Variants in ADARB2 observed in about 807,000 individuals in gnomAD.
ADARB2 encodes the protein adenosine deaminase RNA specific B2 (inactive).
ADARB2 carries 25 observed loss-of-function variants against 62.2 expected under a neutral mutation model. The observed-to-expected ratio is 0.40, with a 90% CI of 0.29 to 0.56. The LOEUF is 0.56. Among genes scored for constraint, ADARB2 ranks in the 20% least tolerant of loss-of-function variants. The pLI, the probability that ADARB2 is intolerant of heterozygous loss-of-function variation, is 0.43. For missense variants in ADARB2, 1,071 were observed against 1,077.4 expected (o/e 0.99, Z 0.08); for synonymous variants, 572 against 500.8 (o/e 1.14, Z -1.90).
At chr10:1,322,097 A>G (rs1831801026) in intron 3 of ADARB2, among the ~76,000 whole-genome samples, 1 of 152,078 alleles carries the variant, frequency 6.6e-6, no homozygotes, top group Non-Finnish European at 1.5e-5. Context: ...ATATTTCTAA[A>G]TAACTCAGGG....
intron 1 of ADARB2, among the ~76,000 whole-genome samples, chr10:1,475,509 C>T (rs959852098): frequency 1.3e-5 from 2 of 152,142 alleles, no homozygotes; most frequent in East Asian, 1.9e-4. Context: ...TCGTGCTGTG[C>T]GGACAGGGAA....
intron 1 of ADARB2, among the ~76,000 whole-genome samples, chr10:1,576,148 C>CACAGGAGGGGGCCCAGGGT (rs1395468155): frequency 1.3e-5 from 1 of 78,384 alleles, no homozygotes; most frequent in African/African-American, 5.2e-5. Flanking sequence ...AGAGGGGGGT[C>CACAGGAGGGGGCCCAGGGT]CACGGTCACA....
intron 8 of ADARB2, among the ~76,000 whole-genome samples, chr10:1,195,686 G>A (rs1034031152): frequency 6.6e-6 from 1 of 152,112 alleles, no homozygotes; most frequent in Non-Finnish European, 1.5e-5. Context: ...GCTGATCCTG[G>A]TTCAGAAGAA....
chr10:1,364,067 A>C, intron 2 of ADARB2, 150 bp from the exon 3 acceptor site: 1 of 1,185,504 alleles, frequency 8.4e-7, no homozygotes, highest in Non-Finnish European at 1.1e-6. Context: ...CGCCAGAGAG[A>C]GGGAGCCCCT....
At chr10:1,259,356 A>T (rs556481292) in intron 4 of ADARB2, among the ~76,000 whole-genome samples, 13 of 152,350 alleles carry the variant, frequency 8.5e-5, no homozygotes, top group African/African-American at 2.9e-4. Context: ...TAATGAATCC[A>T]GGAGCTGGTT....
chr10:1,327,407 C>T (rs527949589), intron 3 of ADARB2, among the ~76,000 whole-genome samples: 1 of 94,660 alleles, frequency 1.1e-5, no homozygotes, highest in South Asian at 3.3e-4. Context: ...CACAGCGCCT[C>T]CCCACTGCCC....
At chr10:1,668,098 G>T (rs1386804593) in intron 1 of ADARB2, among the ~76,000 whole-genome samples, 1 of 152,190 alleles carries the variant, frequency 6.6e-6, no homozygotes, top group Non-Finnish European at 1.5e-5. Context: ...CTCACCCTTA[G>T]TGATATTAAC....
At chr10:1,472,059 A>AGAGTTCAAC (rs1238855904) in intron 1 of ADARB2, among the ~76,000 whole-genome samples, 147 of 152,360 alleles carry the variant, frequency 9.6e-4, no homozygotes, top group African/African-American at 3.3e-3. Flanking sequence ...CTAAAGTCTA[A>AGAGTTCAAC]GAGTTCAACA....
chr10:1,192,857 G>T (rs1480336534), intron 8 of ADARB2, among the ~76,000 whole-genome samples: 3 of 152,212 alleles, frequency 2.0e-5, no homozygotes, highest in Non-Finnish European at 4.4e-5. Flanking sequence ...GCAGGAGAAT[G>T]GCGTGAACCC....
intron 4 of ADARB2, among the ~76,000 whole-genome samples, chr10:1,259,850 A>C (rs1262072977): frequency 6.6e-6 from 1 of 152,244 alleles, no homozygotes; most frequent in Non-Finnish European, 1.5e-5. Context: ...ACAACAAAAA[A>C]AGAGAATTTT....
chr10:1,205,380 ACGGGAGCCCG>A (rs1164418750), intron 7 of ADARB2, among the ~76,000 whole-genome samples: 4 of 101,542 alleles, frequency 3.9e-5, no homozygotes, highest in African/African-American at 1.2e-4. Flanking sequence ...GAGACAACTC[ACGGGAGCCCG>A]TGGCACAGCC....
At chr10:1,669,499 G>T (rs1254330644) in intron 1 of ADARB2, among the ~76,000 whole-genome samples, 1 of 149,822 alleles carries the variant, frequency 6.7e-6, no homozygotes, top group African/African-American at 2.5e-5. Flanking sequence ...CTCACAGGGA[G>T]ACACAGCTAG....
At chr10:1,433,655 G>A (rs190847390) in intron 1 of ADARB2, among the ~76,000 whole-genome samples, 5 of 152,170 alleles carry the variant, frequency 3.3e-5, no homozygotes, top group Admixed American at 2.0e-4. Flanking sequence ...TCTCTCCCAG[G>A]CCCACCTCCC....
intron 1 of ADARB2, among the ~76,000 whole-genome samples, chr10:1,656,046 A>G (rs1047312562): frequency 2.6e-5 from 4 of 152,220 alleles, no homozygotes; most frequent in African/African-American, 4.8e-5. Context: ...AATTTTTCAG[A>G]TAACTGAAAT....
At chr10:1,613,728 C>A (rs755680970) in intron 1 of ADARB2, among the ~76,000 whole-genome samples, 21 of 152,200 alleles carry the variant, frequency 1.4e-4, no homozygotes, top group Middle Eastern at 3.2e-3. Flanking sequence ...CTGGTTTCTG[C>A]TACTTTATGA....
At chr10:1,271,876 G>C (rs1831266678) in intron 3 of ADARB2, among the ~76,000 whole-genome samples, 1 of 152,220 alleles carries the variant, frequency 6.6e-6, no homozygotes, top group Non-Finnish European at 1.5e-5. Context: ...CCTTGGAGTA[G>C]GGAAGCCTGG....
chr10:1,665,678 G>A lies in ADARB2; in HGVS notation c.100+71373C>T, dbSNP rs549184756. Among the ~76,000 whole-genome samples, 7 of 152,320 alleles carry A rather than the reference G, an allele frequency of 4.6e-5. No homozygotes were observed. The East Asian group carries it at 1.4e-3, about 29-fold the overall frequency. The stretch of plus-strand genomic sequence containing the variant: ...GCAGCTCAGGGAAATCCAACTCCTC[G>A]GTCCTGAGGACATCAAGAGAAAAAG... On this transcript the variant is annotated intron_variant, in intron 1 of 9. Transcript: ENST00000381312.
At chr10:1,299,258 G>T (rs566168743) in intron 3 of ADARB2, among the ~76,000 whole-genome samples, 11 of 151,856 alleles carry the variant, frequency 7.2e-5, no homozygotes, top group Middle Eastern at 3.4e-3. Flanking sequence ...GGCATCAGGA[G>T]CCTGCCTGCA....
intron 6 of ADARB2, among the ~76,000 whole-genome samples, chr10:1,229,860 G>GTA (rs1589158677): frequency 7.9e-6 from 1 of 126,218 alleles, no homozygotes; most frequent in Non-Finnish European, 1.6e-5. Flanking sequence ...GTGTGTGTGT[G>GTA]TGTGTGTGGG....
Sources: gnomAD v4.1 joint callset for allele counts (sites outside exome capture counted in the v4.1 genomes callset) on GRCh38, gnomAD v4.1.1 for gene constraint, MANE v1.5 for transcripts, NCBI Gene and HGNC (gene_info 2026-07-23, HGNC 2026-07-21) for gene names.